Variants in RBFOX1 observed in about 807,000 individuals in gnomAD.
RBFOX1 encodes RNA binding fox-1 homolog 1.
RBFOX1 carries 8 observed loss-of-function variants against 57.7 expected under a neutral mutation model. The ratio of observed to expected loss-of-function variants is 0.14; its 90% CI spans 0.08 to 0.25. RBFOX1 has a LOEUF of 0.25. Among genes scored for constraint, RBFOX1 ranks in the 10% least tolerant of loss-of-function variants. RBFOX1 has a pLI of 1.00. For missense variants in RBFOX1, 611 were observed against 548.5 expected, an observed-to-expected ratio of 1.11 and a Z score of -1.14; for synonymous variants, 326 against 222.4, an observed-to-expected ratio of 1.47 and a Z score of -4.15.
chr16:5,668,206 G>A (rs539709799), intron 3 of RBFOX1, among the ~76,000 whole-genome samples: 6 of 152,080 alleles, frequency 3.9e-5, no homozygotes, highest in African/African-American at 9.7e-5. Context: ...GTTTGAACCC[G>A]GGAGGCGGAG....
chr16:5,982,167 A>G (rs947560708), intron 4 of RBFOX1, among the ~76,000 whole-genome samples: 27 of 151,966 alleles, frequency 1.8e-4, no homozygotes, highest in Admixed American at 6.6e-5. Context: ...ACTGCATCTC[A>G]CCCTACTACC....
At chr16:7,437,568 T>C (rs756500158) in intron 4 of RBFOX1, among the ~76,000 whole-genome samples, 75 of 152,188 alleles carry the variant, frequency 4.9e-4, no homozygotes, top group Non-Finnish European at 9.6e-4. Flanking sequence ...CAAAATTTCA[T>C]GTATTTGCAA....
intron 4 of RBFOX1, among the ~76,000 whole-genome samples, chr16:7,162,058 C>G (rs1004240344): frequency 1.3e-5 from 2 of 152,200 alleles, no homozygotes; most frequent in African/African-American, 4.8e-5. Flanking sequence ...GTTTCCTTCT[C>G]TCAGAGCTGC....
chr16:6,804,701 C>T (rs758180123), intron 3 of RBFOX1, among the ~76,000 whole-genome samples: 33 of 152,268 alleles, frequency 2.2e-4, no homozygotes, highest in Admixed American at 5.9e-4. Context: ...TGACCTCACA[C>T]ATGACTGGGG....
chr16:7,238,212 A>G (rs2093872984), intron 4 of RBFOX1, among the ~76,000 whole-genome samples: 1 of 152,192 alleles, frequency 6.6e-6, no homozygotes, highest in Admixed American at 6.5e-5. Context: ...TTAGTGTTTA[A>G]TTGGTACAGA....
intron 3 of RBFOX1, chr16:6,874,107 C>G (rs1266731500): frequency 1.3e-5 from 2 of 152,102 alleles, no homozygotes; most frequent in East Asian, 1.9e-4. Flanking sequence ...CAGCACAATT[C>G]ACAATTTCAG....
intron 4 of RBFOX1, among the ~76,000 whole-genome samples, chr16:7,070,547 T>C (rs1395369374): frequency 3.9e-5 from 6 of 152,212 alleles, no homozygotes. Flanking sequence ...TTTTTATAGA[T>C]GTCTGAATTA....
intron 3 of RBFOX1, among the ~76,000 whole-genome samples, chr16:6,812,363 G>T (rs1374136409): frequency 1.3e-5 from 2 of 151,898 alleles, no homozygotes; most frequent in African/African-American, 4.8e-5. Flanking sequence ...CAAAGTTTTG[G>T]TTCAGTTTCT....
chr16:6,899,069 TACAC>T lies in RBFOX1; in HGVS notation c.-15-152984_-15-152981del, dbSNP rs968393713. ...GCATGTGTATGTATAATACATGTATTACACACATGTACACGTGTATAATGTGTGT... is the reference window on the plus strand; with the variant it reads ...GCATGTGTATGTATAATACATGTATTACATGTACACGTGTATAATGTGTGT... On this transcript the variant is annotated intron_variant, in intron 3 of 15. Transcript: ENST00000550418. Among the ~76,000 whole-genome samples, 14 of 138,492 alleles carry T rather than the reference TACAC, an allele frequency of 1.0e-4. No individual in the cohort carries two copies. In the South Asian group the frequency reaches 1.4e-3, roughly 14 times the overall value. The allele number at this position is 138,492 out of a possible 152,430, so 90.9% of individuals were successfully genotyped here.
intron 5 of RBFOX1, among the ~76,000 whole-genome samples, chr16:7,566,013 T>C (rs910048340): frequency 2.0e-5 from 3 of 152,170 alleles, no homozygotes; most frequent in Non-Finnish European, 2.9e-5. Context: ...GCCGAGCGCC[T>C]ACTATGTGTC....
intron 3 of RBFOX1, among the ~76,000 whole-genome samples, chr16:7,007,736 A>G (rs2093384558): frequency 6.6e-6 from 1 of 152,166 alleles, no homozygotes; most frequent in South Asian, 2.1e-4. Context: ...ACTCCCATGA[A>G]AATCATCTCA....
rs1285296384 is a variant in RBFOX1, at chr16:7,671,661, T to C, written c.931-5113T>C. On this transcript the variant is annotated intron_variant, in intron 13 of 15. Coordinates refer to ENST00000550418, the MANE Select transcript of RBFOX1 (RefSeq NM_018723.4). ...TGATTGTGGGTTTGCTGTGAAATCCTTACTAACAAGATAATTCTGGGGAGG... is the reference window on the plus strand; with the variant it reads ...TGATTGTGGGTTTGCTGTGAAATCCCTACTAACAAGATAATTCTGGGGAGG... 1.3e-5 allele frequency: 18 copies of C among 1,434,246 alleles called. No individual in the cohort carries two copies. The Admixed American group carries it at 3.0e-4, about 24-fold the overall frequency. The allele number at this position is 1,434,246 out of a possible 1,614,324, so 88.8% of individuals were successfully genotyped here. A position where few individuals can be genotyped will look rare whatever the true frequency, so the allele number is the denominator to read the frequency against.
At position 6,219,838 on chromosome 16, in the gene RBFOX1, C is replaced by T. The variant is rs112384127; in HGVS notation, c.-126-97157C>T. 2.8e-3 allele frequency among the ~76,000 whole-genome samples: 428 copies of T among 152,166 alleles called. 3 individuals carry two copies. The highest frequency in any genetic ancestry group is 0.025 in the South Asian group (121 of 4,814). ...TTGCAGTGAGCCGAGATTATGCTAT[C>T]GTGCTCCAGATTGGGCAACAAGAGC... On this transcript the variant is annotated intron_variant, in intron 1 of 15. Transcript: ENST00000550418.
At chr16:5,950,909 C>G (rs933679750) in intron 4 of RBFOX1, among the ~76,000 whole-genome samples, 1 of 152,092 alleles carries the variant, frequency 6.6e-6, no homozygotes, top group African/African-American at 2.4e-5. Flanking sequence ...GCATCCAACC[C>G]AGGCCAGAGA....
At chr16:7,005,279 T>C (rs1449657078) in intron 3 of RBFOX1, among the ~76,000 whole-genome samples, 1 of 152,176 alleles carries the variant, frequency 6.6e-6, no homozygotes, top group Non-Finnish European at 1.5e-5. Flanking sequence ...AACCTAAAGA[T>C]ACTTGCCTCC....
chr16:7,591,994 C>A (rs964536547), intron 7 of RBFOX1, among the ~76,000 whole-genome samples: 99 of 151,984 alleles, frequency 6.5e-4, no homozygotes, highest in African/African-American at 2.0e-3. Flanking sequence ...TACATTGCAA[C>A]CCTCAGGTGA....
Position 7,701,121 on chromosome 16 carries a change from G to A in RBFOX1, c.996-7935G>A, listed in dbSNP as rs73498743. Among the ~76,000 whole-genome samples, 302 of 150,380 alleles carry A rather than the reference G, an allele frequency of 2.0e-3. 3 individuals carry two copies. Among genetic ancestry groups the A allele is most frequent in the African/African-American group, 5.9e-3 (233 of 39,802 alleles). ...TGCTAAGTGATTTCTGAAGTTAAGC[G>A]CTTTAAAGACAAGCTAAGGAAGTCA... On this transcript the variant is annotated intron_variant, in intron 14 of 15. Transcript: ENST00000550418.
chr16:6,172,742 G>A (rs182122823), intron 1 of RBFOX1, among the ~76,000 whole-genome samples: 61 of 152,304 alleles, frequency 4.0e-4, no homozygotes, highest in Admixed American at 1.1e-3. Context: ...TAAGCTGCAG[G>A]ACAGAAGGGT....
intron 3 of RBFOX1, among the ~76,000 whole-genome samples, chr16:5,693,597 G>A (rs2050760340): frequency 6.6e-6 from 1 of 152,116 alleles, no homozygotes; most frequent in Non-Finnish European, 1.5e-5. Flanking sequence ...ATGCTGCTGT[G>A]GAGGGTGGGT....
Sources: allele counts gnomAD v4.1 joint callset (sites outside exome capture counted in the v4.1 genomes callset), GRCh38; gene constraint gnomAD v4.1.1; transcripts MANE v1.5; gene names NCBI Gene and HGNC (gene_info 2026-07-23, HGNC 2026-07-21).